The following CCDC57 variants were observed in gnomAD, a reference collection of about 807,000 sequenced individuals.
CCDC57 encodes the protein coiled-coil domain-containing protein 57.
Under a neutral mutation model 118.9 loss-of-function variants are expected in CCDC57, and 118 were observed. The observed-to-expected ratio is 0.99, with a 90% CI of 0.86 to 1.16. The LOEUF (loss-of-function observed/expected upper bound fraction) is 1.16. Ranked by LOEUF, CCDC57 falls within the 50% of genes most tolerant of loss-of-function variation. CCDC57 has a pLI of 0.00. For missense variants in CCDC57, 1,300 were observed against 1,320.7 expected (o/e 0.98, Z 0.24); for synonymous variants, 527 against 532.9 (o/e 0.99, Z 0.15).
intron 3 of CCDC57, among the ~76,000 whole-genome samples, chr17:82,200,741 C>T (rs952571991): frequency 5.9e-5 from 9 of 151,618 alleles, no homozygotes; most frequent in South Asian, 4.2e-4. Flanking sequence ...TGCAGCGAGC[C>T]GAGATCACGC....
intron 16 of CCDC57, chr17:82,145,801 T>C (rs1404801980): frequency 4.3e-6 from 2 of 466,384 alleles, no homozygotes. Context: ...GCCGGAACCC[T>C]GTAGCAGGCA....
chr17:82,202,127 T>C (rs1003464776), intron 2 of CCDC57, among the ~76,000 whole-genome samples, 175 bp from the exon 2 acceptor site: 8 of 152,036 alleles, frequency 5.3e-5, no homozygotes, highest in Non-Finnish European at 1.2e-4. Context: ...GGTCAGGAGT[T>C]CAAGACCAGC....
chr17:82,137,380 T>C (rs1041385826), intron 16 of CCDC57, among the ~76,000 whole-genome samples: 9 of 152,246 alleles, frequency 5.9e-5, no homozygotes, highest in African/African-American at 2.2e-4. Flanking sequence ...CTTTACTTTC[T>C]ATGTAATCTG....
chr17:82,179,179 G>A lies in CCDC57; in HGVS notation c.1222C>T (p.Gln408Ter), dbSNP rs2146400601. 1.9e-6 allele frequency: 3 copies of A among 1,613,584 alleles called. No individual in the cohort carries two copies. The highest frequency in any genetic ancestry group is 2.5e-6 in the Non-Finnish European group (3 of 1,179,734). ...TCCCTTTCCACTGCCAGGGACAGCTGTTGCTTGTACCTAAGGACACGTCCA... is the reference window on the plus strand; with the variant it reads ...TCCCTTTCCACTGCCAGGGACAGCTATTGCTTGTACCTAAGGACACGTCCA... The change falls in exon 10 of 20, where the codon CAG (glutamine) becomes TAG (stop). Residue 408 changes from glutamine (Q) to a stop codon, truncating the protein, a stop_gained. Coordinates refer to ENST00000665763, the Ensembl canonical transcript of CCDC57. LOFTEE classifies it high-confidence loss of function.
chr17:82,157,760 G>A (rs761343356), exon 15 of CCDC57: 11 of 1,597,830 alleles, frequency 6.9e-6, no homozygotes, highest in Non-Finnish European at 8.5e-6. Flanking sequence ...CTCTCCCAAG[G>A]GCCACGGCGT....
In CCDC57 at chr17:82,188,338, C is replaced by CT; in HGVS notation, c.932dup (p.Glu312GlyfsTer29). The stretch of plus-strand genomic sequence containing the variant: ...GCTCCAGAACCCTGGTCTGCAGCTC[C>CT]TGCAGCTGCTCCACGTGGGCTCCCT... On this transcript the variant is annotated frameshift_variant, in exon 8 of 20. Coordinates refer to ENST00000665763, the Ensembl canonical transcript of CCDC57. LOFTEE classifies it high-confidence loss of function. 1 of 1,609,560 alleles carries CT rather than the reference C, an allele frequency of 6.2e-7. No homozygotes were observed. Among genetic ancestry groups the CT allele is most frequent in the Non-Finnish European group, 8.5e-7 (1 of 1,179,128 alleles).
chr17:82,139,786 G>A (rs962979658), intron 16 of CCDC57, among the ~76,000 whole-genome samples: 6 of 152,142 alleles, frequency 3.9e-5, no homozygotes, highest in Non-Finnish European at 7.3e-5. Context: ...TTCTGATGGC[G>A]GCATTTAGAT....
chr17:82,162,525 A>C (rs1016668589), intron 14 of CCDC57, among the ~76,000 whole-genome samples: 1 of 152,224 alleles, frequency 6.6e-6, no homozygotes, highest in Non-Finnish European at 1.5e-5. Flanking sequence ...AGTGTGGCTC[A>C]ACACTGACAT....
intron 11 of CCDC57, among the ~76,000 whole-genome samples, chr17:82,174,794 T>C: frequency 6.6e-6 from 1 of 152,266 alleles, no homozygotes. Flanking sequence ...TTTGCTTCTT[T>C]TGATTCTTGC....
chr17:82,194,499 C>T (rs1367374117), intron 5 of CCDC57, among the ~76,000 whole-genome samples: 1 of 151,946 alleles, frequency 6.6e-6, no homozygotes, highest in Non-Finnish European at 1.5e-5. Context: ...TTAGTAGAGA[C>T]AGGGTTTCCC....
chr17:82,186,375 G>A (rs1426979750), intron 8 of CCDC57, among the ~76,000 whole-genome samples: 2 of 152,200 alleles, frequency 1.3e-5, no homozygotes, highest in Non-Finnish European at 2.9e-5. Context: ...CAGGAGTGGT[G>A]ACGCCCAGTC....
In CCDC57 at chr17:82,138,189, C is replaced by T. The variant is rs1463523802; in HGVS notation, c.2456-3995G>A. Among the ~76,000 whole-genome samples, 7 of 140,240 alleles carry T rather than the reference C, an allele frequency of 5.0e-5. No homozygotes were observed. The East Asian group carries it at 1.3e-3, about 27-fold the overall frequency. The allele number at this position is 140,240 out of a possible 152,430, so 92.0% of individuals were successfully genotyped here. ...TTTGAGACGGAGTCTCGCTCTGTTG[C>T]CCAGGCTAGAGTGCAGTGGTACAAT... On this transcript the variant is annotated intron_variant, in intron 16 of 19. Transcript: ENST00000665763.
chr17:82,131,226 T>C (rs1237688311), intron 17 of CCDC57, among the ~76,000 whole-genome samples: 1 of 146,064 alleles, frequency 6.8e-6, no homozygotes, highest in Non-Finnish European at 1.5e-5. Context: ...AGGTCAGGAG[T>C]TCGAGACCAG....
chr17:82,165,892 G>A (rs1425300581), intron 13 of CCDC57, among the ~76,000 whole-genome samples: 2 of 152,182 alleles, frequency 1.3e-5, no homozygotes, highest in South Asian at 2.1e-4. Flanking sequence ...GCCAGGATGC[G>A]CAGTGTGAAC....
At chr17:82,102,713 G>A (rs1191775657) in intron 19 of CCDC57, among the ~76,000 whole-genome samples, 2 of 151,950 alleles carry the variant, frequency 1.3e-5, no homozygotes, top group Admixed American at 6.6e-5. Context: ...GTGAAACGCC[G>A]TCTCTACTAA....
intron 2 of CCDC57, among the ~76,000 whole-genome samples, chr17:82,204,957 C>G (rs1310922718): frequency 1.3e-5 from 2 of 152,230 alleles, no homozygotes; most frequent in Admixed American, 6.5e-5. Flanking sequence ...GGGACCTCAA[C>G]CTGAACATCA....
At chr17:82,207,386 TAC>T (rs2049798712) in intron 2 of CCDC57, among the ~76,000 whole-genome samples, 1 of 151,580 alleles carries the variant, frequency 6.6e-6, no homozygotes, top group African/African-American at 2.4e-5. Context: ...GTCATGCAGC[TAC>T]AGGCTACAAG....
chr17:82,127,683 G>A lies in CCDC57; in HGVS notation c.2899+9C>T, dbSNP rs1245837541. The stretch of plus-strand genomic sequence containing the variant: ...CTGTGGGCAGCTCCTGGGGAGGGCA[G>A]TCTCCTACCTGGAGTTGAGTCACCC... On this transcript the variant is annotated intron_variant, in intron 19 of 19. Coordinates refer to ENST00000665763, the Ensembl canonical transcript of CCDC57. 1 of 1,590,982 alleles carries A rather than the reference G, an allele frequency of 6.3e-7. No individual in the cohort carries two copies. Among genetic ancestry groups the A allele is most frequent in the Non-Finnish European group, 8.6e-7 (1 of 1,168,668 alleles).
chr17:82,208,712 T>C (rs2049954857), intron 1 of CCDC57, among the ~76,000 whole-genome samples: 1 of 152,098 alleles, frequency 6.6e-6, no homozygotes, highest in African/African-American at 2.4e-5. Context: ...TTTTTTAAAT[T>C]TCTTGTAGAG....
Sources: gnomAD v4.1 joint callset for allele counts (sites outside exome capture counted in the v4.1 genomes callset) on GRCh38, gnomAD v4.1.1 for gene constraint, MANE v1.5 for transcripts, NCBI Gene and HGNC (gene_info 2026-07-23, HGNC 2026-07-21) for gene names.